Variants in BRWD3 observed in about 807,000 individuals in gnomAD.
The protein encoded by BRWD3 is bromodomain and WD repeat domain containing 3.
A neutral mutation model predicts 149.7 loss-of-function variants in BRWD3; 10 were observed. The observed-to-expected ratio is 0.07, with a 90% CI of 0.04 to 0.11. The LOEUF (loss-of-function observed/expected upper bound fraction) is 0.11. Among genes scored for constraint, BRWD3 ranks in the 10% least tolerant of loss-of-function variants. BRWD3 has a pLI of 1.00. For missense variants in BRWD3, 940 were observed against 1,373.2 expected (o/e 0.68, Z 4.99); for synonymous variants, 504 against 456.7 (o/e 1.10, Z -1.32).
At chrX:80,682,123 A>ATTT in intron 38 of BRWD3, 29 bp from the exon 39 acceptor site, 2 of 927,001 alleles carry the variant, frequency 2.2e-6, no homozygotes, top group Non-Finnish European at 2.9e-6. Context: ...AACAACGAGC[A>ATTT]TTTTTTTTTT....
chrX:80,791,457 G>A (rs2074181547), intron 6 of BRWD3, among the ~76,000 whole-genome samples: 1 of 111,543 alleles, frequency 9.0e-6, no homozygotes, highest in Non-Finnish European at 1.9e-5. Context: ...GTGACTTTTT[G>A]TCTTAATACA....
At chrX:80,793,527 A>T in intron 5 of BRWD3, 95 bp downstream of exon 5, 1 of 953,621 alleles carries the variant, frequency 1.0e-6, no homozygotes, top group Non-Finnish European at 1.4e-6. Context: ...AAAAACTAGT[A>T]TTTAGAAAAG....
chrX:80,729,816 C>G (rs1329626174), intron 13 of BRWD3, 100 bp downstream of exon 13: 1 of 618,694 alleles, frequency 1.6e-6, no homozygotes, highest in African/African-American at 2.2e-5. Flanking sequence ...CAATTAACTT[C>G]AAACTATTTA....
intron 6 of BRWD3, among the ~76,000 whole-genome samples, chrX:80,774,269 A>AT (rs1273680878): frequency 9.4e-6 from 1 of 106,359 alleles, no homozygotes; most frequent in Admixed American, 1.0e-4. Context: ...TTATTTTTTT[A>AT]TTTTTTATTT....
chrX:80,792,409 T>C (rs2074191144), intron 5 of BRWD3, among the ~76,000 whole-genome samples: 1 of 112,300 alleles, frequency 8.9e-6, no homozygotes, highest in Non-Finnish European at 1.9e-5. Flanking sequence ...AGTTGTGTCA[T>C]AACAGATAAC....
At chrX:80,733,595 GTTT>G in intron 11 of BRWD3, 99 bp from the exon 12 acceptor site, 13 of 482,278 alleles carry the variant, frequency 2.7e-5, no homozygotes, top group East Asian at 4.4e-5. Context: ...TCATGAAGTA[GTTT>G]TTTTTTTTTT....
intron 25 of BRWD3, among the ~76,000 whole-genome samples, chrX:80,697,149 A>C (rs1215695783): frequency 9.0e-6 from 1 of 110,767 alleles, no homozygotes; most frequent in African/African-American, 3.3e-5. Flanking sequence ...TTTGGGGTAT[A>C]GCTCGGTAAT....
Position 80,809,314 on chromosome X carries a change from AG to A in BRWD3, c.32-11del. On this transcript the variant is annotated splice_polypyrimidine_tract_variant and intron_variant, in intron 1 of 40. Transcript: ENST00000373275. ...ATCAGGTAATACAGCTCTGGGGAAGAGGGGGGAAAAGAGGTTCAGAGGGAGG... is the reference window on the plus strand; with the variant it reads ...ATCAGGTAATACAGCTCTGGGGAAGAGGGGGAAAAGAGGTTCAGAGGGAGG... 7 of 1,188,381 alleles carry A rather than the reference AG, an allele frequency of 5.9e-6. No homozygotes were observed. The highest frequency in any genetic ancestry group is 6.8e-6 in the Non-Finnish European group (6 of 881,347).
intron 8 of BRWD3, among the ~76,000 whole-genome samples, chrX:80,736,640 A>T (rs2073408348): frequency 8.9e-6 from 1 of 111,875 alleles, no homozygotes; most frequent in Admixed American, 9.5e-5. Flanking sequence ...TAAATAATGT[A>T]AAATAGTTCA....
chrX:80,704,784 T>C lies in BRWD3; in HGVS notation c.2615A>G (p.Lys872Arg). 2 of 1,211,263 alleles carry C rather than the reference T, an allele frequency of 1.7e-6. No homozygotes were observed. Among genetic ancestry groups the C allele is most frequent in the Non-Finnish European group, 2.2e-6 (2 of 894,945 alleles). ...ACGTGTTGTCTGTCTGGTTTGTCTT[T>C]TTGGGGGTTGTAAATTTATTCCAGC... The part of the protein sequence containing the change: ...ADAGINLQPP[K>R]RQTRQTTRKI... Residue 872 changes from lysine to arginine, a missense_variant, in exon 23 of 41, where the codon AAA becomes AGA. Physicochemically the swap from Lys to Arg is conservative, Grantham distance 26. Coordinates refer to ENST00000373275, the MANE Select transcript of BRWD3 (RefSeq NM_153252.5).
rs756477398 is a variant in BRWD3, at chrX:80,734,364, C to T, written c.986-146G>A. The T allele has an allele frequency of 9.8e-5, 45 of 457,237 alleles. No individual in the cohort carries two copies. The East Asian group carries it at 1.4e-3, about 14-fold the overall frequency. 37.7% of individuals were successfully genotyped at this position (457,237 alleles called of 1,213,427 possible). ...CTTCTAATTATTGGAGACATACTAG[C>T]GATTTAGAGAAAATGTAAAACTGTA... On this transcript the variant is annotated intron_variant, in intron 10 of 40. Transcript: ENST00000373275.
At chrX:80,782,591 G>C (rs1360135939) in intron 6 of BRWD3, among the ~76,000 whole-genome samples, 1 of 111,636 alleles carries the variant, frequency 9.0e-6, no homozygotes, top group African/African-American at 3.3e-5. Flanking sequence ...GTATCCATCT[G>C]ACAAAGGATC....
intron 6 of BRWD3, among the ~76,000 whole-genome samples, chrX:80,771,966 C>G (rs973249364): frequency 1.8e-5 from 2 of 111,455 alleles, no homozygotes; most frequent in Non-Finnish European, 3.8e-5. Flanking sequence ...AGTCAGGAAA[C>G]AACAGATGCT....
chrX:80,802,907 C>T (rs887654312), intron 4 of BRWD3, among the ~76,000 whole-genome samples: 2 of 110,500 alleles, frequency 1.8e-5, no homozygotes, highest in African/African-American at 6.6e-5. Flanking sequence ...AGATCGAGAC[C>T]ATCCTGGCTA....
At chrX:80,786,590 C>T (rs2074110410) in intron 6 of BRWD3, among the ~76,000 whole-genome samples, 1 of 110,996 alleles carries the variant, frequency 9.0e-6, no homozygotes, top group South Asian at 3.8e-4. Context: ...TTTTGGCTCA[C>T]AGCCACCTCC....
rs1461473474 is a variant in BRWD3, at chrX:80,690,026, T to C, written c.3669A>G (p.Pro1223=). ...IEHNARTFNE[P]DSPIVKAAKI... ...TAGCTGCTTTAACTATAGGACTGTCTGGCTCATTGAAAGTCCTGGCATTAT... is the reference window on the plus strand; with the variant it reads ...TAGCTGCTTTAACTATAGGACTGTCCGGCTCATTGAAAGTCCTGGCATTAT... The change falls in exon 32 of 41, where the codon CCA becomes CCG. Residue 1223 remains proline, a synonymous_variant. Transcript: ENST00000373275. 8 of 1,206,993 alleles carry C rather than the reference T, an allele frequency of 6.6e-6. No individual in the cohort carries two copies. The highest frequency in any genetic ancestry group is 3.0e-5 in the East Asian group (1 of 33,772).
chrX:80,734,098 C>A lies in BRWD3; in HGVS notation c.1086+20G>T. On this transcript the variant is annotated intron_variant, in intron 11 of 40. Transcript: ENST00000373275. ...CAAGGATGTTCAAAAATAAAGCAAC[C>A]GTTTCTGATTTTCTCTTACCGTATG... The A allele has an allele frequency of 9.7e-7, 1 of 1,034,205 alleles. No homozygotes were observed. 85.2% of individuals were successfully genotyped at this position (1,034,205 alleles called of 1,213,427 possible). A position where few individuals can be genotyped will look rare whatever the true frequency, so the allele number is the denominator to read the frequency against.
Position 80,809,421 on chromosome X carries a change from C to T in BRWD3, c.31+20G>A. On this transcript the variant is annotated intron_variant, in intron 1 of 40. Coordinates refer to ENST00000373275, the MANE Select transcript of BRWD3 (RefSeq NM_153252.5). Reference sequence around the variant, plus strand: ...CCCCATTCCCTTAGCACCCCCCCACCCCCCGACACAGCTACCCACCGGCTT... The same window carrying T: ...CCCCATTCCCTTAGCACCCCCCCACTCCCCGACACAGCTACCCACCGGCTT... 8.6e-7 allele frequency: 1 copy of T among 1,158,750 alleles called. No homozygotes were observed. Among genetic ancestry groups the T allele is most frequent in the Non-Finnish European group, 1.2e-6 (1 of 864,175 alleles).
chrX:80,803,780 G>C (rs1262945626), intron 4 of BRWD3, among the ~76,000 whole-genome samples: 2 of 112,207 alleles, frequency 1.8e-5, no homozygotes, highest in Non-Finnish European at 3.8e-5. Flanking sequence ...TCCACACTTA[G>C]AGATGCAATA....
Sources: allele counts gnomAD v4.1 joint callset (sites outside exome capture counted in the v4.1 genomes callset), GRCh38; gene constraint gnomAD v4.1.1; transcripts MANE v1.5; gene names NCBI Gene and HGNC (gene_info 2026-07-23, HGNC 2026-07-21).